The following NRG1 variants were observed in gnomAD, a reference collection of about 807,000 sequenced individuals.
NRG1 encodes neuregulin 1.
NRG1 carries 18 observed loss-of-function variants against 63.8 expected under a neutral mutation model. The ratio of observed to expected loss-of-function variants is 0.28; its 90% CI spans 0.19 to 0.42. The LOEUF (loss-of-function observed/expected upper bound fraction) is 0.42. NRG1 is among the 10% of genes least tolerant of loss of function. The pLI, the probability that NRG1 is intolerant of heterozygous loss-of-function variation, is 1.00. For synonymous variants in NRG1, 302 were observed against 301.3 expected (o/e 1.00, Z -0.02); for missense variants, 762 against 814.7 (o/e 0.94, Z 0.79).
At chr8:31,893,283 T>G (rs1831296309) in intron 1 of NRG1, among the ~76,000 whole-genome samples, 2 of 151,412 alleles carry the variant, frequency 1.3e-5, no homozygotes, top group African/African-American at 4.8e-5. Flanking sequence ...TGTTGCACTA[T>G]ACACCAAAAT....
chr8:32,550,816 C>G (rs1387935322), intron 1 of NRG1, among the ~76,000 whole-genome samples: 1 of 152,170 alleles, frequency 6.6e-6, no homozygotes, highest in Non-Finnish European at 1.5e-5. Flanking sequence ...CTTTAAGTGA[C>G]ATTTGCTTAA....
intron 1 of NRG1, among the ~76,000 whole-genome samples, chr8:32,472,599 C>T (rs1198951704): frequency 1.3e-5 from 2 of 152,202 alleles, no homozygotes; most frequent in Admixed American, 6.5e-5. Context: ...GGTTGGAAGA[C>T]GATTTTTGTG....
At chr8:32,756,347 C>G in intron 8 of NRG1, 56 bp from the exon 9 acceptor site, 10 of 1,581,720 alleles carry the variant, frequency 6.3e-6, no homozygotes, top group Non-Finnish European at 8.6e-6. Context: ...AGACTTGGCT[C>G]TACTATGAAA....
intron 1 of NRG1, among the ~76,000 whole-genome samples, chr8:32,265,854 T>C (rs1261396245): frequency 1.3e-5 from 2 of 151,916 alleles, no homozygotes; most frequent in Admixed American, 6.6e-5. Context: ...AAAAAAATAA[T>C]AAAAATAAAA....
chr8:32,340,811 G>C (rs767755809), intron 1 of NRG1, among the ~76,000 whole-genome samples: 2 of 152,162 alleles, frequency 1.3e-5, no homozygotes, highest in Non-Finnish European at 2.9e-5. Context: ...GTCAGCAAAT[G>C]ATAGCCAATG....
At chr8:32,621,965 G>A (rs79188350) in intron 5 of NRG1, among the ~76,000 whole-genome samples, 2,509 of 152,278 alleles carry the variant, frequency 0.016, 64 homozygotes, top group African/African-American at 0.056. Flanking sequence ...CAAGTTTATT[G>A]GGAGTATATG....
chr8:32,150,840 G>A (rs1311292916), intron 1 of NRG1, among the ~76,000 whole-genome samples: 3 of 152,238 alleles, frequency 2.0e-5, no homozygotes, highest in South Asian at 4.1e-4. Flanking sequence ...CATATTTATT[G>A]CAAATTATCC....
chr8:31,935,851 A>G (rs1295989501), intron 1 of NRG1, among the ~76,000 whole-genome samples: 1 of 152,180 alleles, frequency 6.6e-6, no homozygotes, highest in Non-Finnish European at 1.5e-5. Flanking sequence ...GTAAGGCTCC[A>G]TGAGAGGCTT....
intron 1 of NRG1, among the ~76,000 whole-genome samples, chr8:31,873,264 T>G (rs914908450): frequency 5.3e-5 from 8 of 152,018 alleles, no homozygotes; most frequent in African/African-American, 1.7e-4. Flanking sequence ...AAAATCAGTA[T>G]TAAAAACAAG....
At chr8:31,948,129 A>T (rs1802916247) in intron 1 of NRG1, among the ~76,000 whole-genome samples, 1 of 152,138 alleles carries the variant, frequency 6.6e-6, no homozygotes, top group Non-Finnish European at 1.5e-5. Context: ...TATGTATAAC[A>T]TATATATCTA....
intron 1 of NRG1, among the ~76,000 whole-genome samples, chr8:32,173,431 A>C (rs1840310515): frequency 1.3e-5 from 2 of 152,234 alleles, no homozygotes; most frequent in Admixed American, 1.3e-4. Context: ...AACTGCATCC[A>C]CTAACGAGCA....
chr8:31,979,090 C>G (rs903838563), intron 1 of NRG1, among the ~76,000 whole-genome samples: 1 of 152,176 alleles, frequency 6.6e-6, no homozygotes, highest in Non-Finnish European at 1.5e-5. Context: ...TGACTTCTGT[C>G]TTATACCTGC....
At chr8:31,855,243 G>A (rs1056162868) in intron 1 of NRG1, among the ~76,000 whole-genome samples, 1 of 152,286 alleles carries the variant, frequency 6.6e-6, no homozygotes. Context: ...ATGTGTGGGA[G>A]TCTAAGTCTC....
intron 1 of NRG1, among the ~76,000 whole-genome samples, chr8:32,192,654 G>A (rs781358856): frequency 2.0e-5 from 3 of 151,958 alleles, no homozygotes; most frequent in Non-Finnish European, 4.4e-5. Context: ...GTTGGGTAAT[G>A]GGATTATTTG....
chr8:32,424,143 T>G (rs148496577), intron 1 of NRG1, among the ~76,000 whole-genome samples: 1 of 152,158 alleles, frequency 6.6e-6, no homozygotes, highest in Non-Finnish European at 1.5e-5. Context: ...TCTCAAACTC[T>G]TTTTCCTTTG....
At chr8:32,292,727 T>C (rs186306386) in intron 1 of NRG1, among the ~76,000 whole-genome samples, 4 of 152,298 alleles carry the variant, frequency 2.6e-5, no homozygotes, top group Admixed American at 1.3e-4. Context: ...GCCAATGCAT[T>C]CCACTACATT....
At chr8:32,521,113 G>A (rs1434631844) in intron 1 of NRG1, among the ~76,000 whole-genome samples, 2 of 152,118 alleles carry the variant, frequency 1.3e-5, no homozygotes, top group South Asian at 2.1e-4. Flanking sequence ...AGGTATGCAC[G>A]TATAGGTAAA....
At chr8:32,438,893 T>C (rs1362776821) in intron 1 of NRG1, among the ~76,000 whole-genome samples, 3 of 152,136 alleles carry the variant, frequency 2.0e-5, no homozygotes, top group African/African-American at 4.8e-5. Flanking sequence ...TTTTTGACTG[T>C]TGAGTTTTAA....
chr8:32,323,648 G>A (rs1005950090), intron 1 of NRG1, among the ~76,000 whole-genome samples: 1 of 152,202 alleles, frequency 6.6e-6, no homozygotes, highest in African/African-American at 2.4e-5. Context: ...CTGCCTTGAG[G>A]GCACGTAAGC....
Sources: allele counts gnomAD v4.1 joint callset (sites outside exome capture counted in the v4.1 genomes callset), GRCh38; gene constraint gnomAD v4.1.1; transcripts MANE v1.5; gene names NCBI Gene and HGNC (gene_info 2026-07-23, HGNC 2026-07-21).